Variants in CEP83 observed in about 807,000 individuals in gnomAD.
The protein encoded by CEP83 is centrosomal protein 83.
CEP83 carries 70 observed loss-of-function variants against 101.9 expected under a neutral mutation model. The observed-to-expected ratio is 0.69, with a 90% confidence interval of 0.57 to 0.84. The LOEUF is 0.84. CEP83 is among the 40% of genes least tolerant of loss of function. CEP83 has a pLI of 0.00. For synonymous variants in CEP83, 264 were observed against 267.9 expected, an observed-to-expected ratio of 0.99 and a Z score of 0.14; for missense variants, 715 against 787.2, an observed-to-expected ratio of 0.91 and a Z score of 1.10.
intron 2 of CEP83, among the ~76,000 whole-genome samples, chr12:94,416,676 T>C (rs1420780925): frequency 1.3e-5 from 2 of 151,846 alleles, no homozygotes. Context: ...GCCAAGATGG[T>C]GCACAAGAAG....
At chr12:94,360,670 C>T (rs2060707814) in intron 11 of CEP83, among the ~76,000 whole-genome samples, 1 of 151,686 alleles carries the variant, frequency 6.6e-6, no homozygotes, top group Admixed American at 6.6e-5. Flanking sequence ...TTAACATGAC[C>T]ATACTACCAA....
At chr12:94,331,592 A>G (rs1333291316) in intron 14 of CEP83, 108 bp downstream of exon 14, 1 of 895,078 alleles carries the variant, frequency 1.1e-6, no homozygotes, top group South Asian at 1.5e-5. Flanking sequence ...GATGGTCTCA[A>G]TGATCTCCTG....
rs1412906661 is a variant in CEP83, at chr12:94,333,465, TAA to T, written c.1577+15_1577+16del. On this transcript the variant is annotated intron_variant, in intron 13 of 16. Transcript: ENST00000397809. ...GAAAAAAGAAAAAATAGTTTGTACA[TAA>T]AGAGCAAACTCTACTTTTCAGCTTC... 2 of 1,605,310 alleles carry T rather than the reference TAA, an allele frequency of 1.2e-6. No individual in the cohort carries two copies. The highest frequency in any genetic ancestry group is 1.7e-4 in the Middle Eastern group (1 of 6,024).
intron 15 of CEP83, 121 bp downstream of exon 15, chr12:94,312,793 G>T: frequency 1.6e-6 from 2 of 1,267,224 alleles, no homozygotes; most frequent in Non-Finnish European, 2.0e-6. Flanking sequence ...GAGTTATCAA[G>T]CTGTTTTAGA....
the CEP83 span, among the ~76,000 whole-genome samples, chr12:94,276,338 G>A: frequency 2.0e-5 from 3 of 152,118 alleles, no homozygotes; most frequent in Non-Finnish European, 4.4e-5. Context: ...ATCGTAGGTG[G>A]TGGCACCAGC....
chr12:94,412,250 A>T (rs2063931697), intron 3 of CEP83, 68 bp downstream of exon 3: 1 of 1,272,332 alleles, frequency 7.9e-7, no homozygotes, highest in East Asian at 2.5e-5. Context: ...TCTATAGCAA[A>T]CATTCAGCCA....
At chr12:94,277,716 T>C in the CEP83 span, 1 of 345,256 alleles carries the variant, frequency 2.9e-6, no homozygotes, top group African/African-American at 2.1e-5. Flanking sequence ...CAATGTGGGC[T>C]GAATCTGTTT....
In CEP83 at chr12:94,394,321, C is replaced by A. The variant is rs193054919; in HGVS notation, c.549+6529G>T. Among the ~76,000 whole-genome samples the A allele has an allele frequency of 6.8e-4, 104 of 152,260 alleles. 2 individuals carry two copies. In the East Asian group the frequency reaches 0.018, roughly 26 times the overall value. Reference sequence around the variant, plus strand: ...AACAGAGGCCTCAGAAATAATACCACACATCTACAACCATCTGATATTTGA... The same window carrying A: ...AACAGAGGCCTCAGAAATAATACCAAACATCTACAACCATCTGATATTTGA... On this transcript the variant is annotated intron_variant, in intron 6 of 16. Transcript: ENST00000397809.
chr12:94,384,823 G>A (rs2062042452), intron 6 of CEP83, among the ~76,000 whole-genome samples: 1 of 152,038 alleles, frequency 6.6e-6, no homozygotes, highest in African/African-American at 2.4e-5. Flanking sequence ...ATTCCTCATT[G>A]AATCATTCTT....
At chr12:94,283,143 G>A in the CEP83 span, among the ~76,000 whole-genome samples, 1 of 125,226 alleles carries the variant, frequency 8.0e-6, no homozygotes, top group Admixed American at 7.8e-5. Context: ...TGCAGCCCTG[G>A]GGAAGGAGTG....
At chr12:94,406,134 A>G (rs796602654) in intron 4 of CEP83, among the ~76,000 whole-genome samples, 9 of 152,232 alleles carry the variant, frequency 5.9e-5, no homozygotes, top group African/African-American at 1.9e-4. Flanking sequence ...ACTAAATACT[A>G]CTCTGCTCCC....
At chr12:94,384,563 T>G (rs2062027945) in intron 6 of CEP83, among the ~76,000 whole-genome samples, 1 of 152,156 alleles carries the variant, frequency 6.6e-6, no homozygotes, top group South Asian at 2.1e-4. Flanking sequence ...TACAGGATAC[T>G]GAGAATCTGT....
chr12:94,413,703 C>T (rs1322803528), intron 2 of CEP83, among the ~76,000 whole-genome samples: 3 of 152,012 alleles, frequency 2.0e-5, no homozygotes, highest in South Asian at 4.1e-4. Flanking sequence ...GTATTACAAA[C>T]GTCACTGTTT....
At chr12:94,306,884 TCAAA>T (rs369746258), downstream of CEP83, 453 of 152,240 alleles carry the variant, frequency 3.0e-3, 1 homozygote, top group African/African-American at 0.01. Flanking sequence ...CGGACACACC[TCAAA>T]CAAACAAAAC....
chr12:94,353,621 TAAGAC>T (rs2060302503), intron 11 of CEP83, among the ~76,000 whole-genome samples: 1 of 151,872 alleles, frequency 6.6e-6, no homozygotes, highest in African/African-American at 2.4e-5. Context: ...ATCCCCCAAT[TAAGAC>T]ATATAGACTG....
At chr12:94,337,029 C>A (rs1476399594) in intron 11 of CEP83, among the ~76,000 whole-genome samples, 1 of 152,102 alleles carries the variant, frequency 6.6e-6, no homozygotes, top group African/African-American at 2.4e-5. Flanking sequence ...CTGTGGGTCC[C>A]AGCTCAGGTC....
intron 13 of CEP83, among the ~76,000 whole-genome samples, chr12:94,333,061 A>C (rs1415287520): frequency 1.3e-5 from 2 of 151,186 alleles, no homozygotes; most frequent in African/African-American, 4.8e-5. Flanking sequence ...AAAAAAAAAA[A>C]AAAACAAATA....
the CEP83 span, among the ~76,000 whole-genome samples, chr12:94,280,904 C>T: frequency 6.6e-5 from 10 of 152,232 alleles, no homozygotes; most frequent in Non-Finnish European, 1.5e-4. Flanking sequence ...CCTGGGGACA[C>T]AGCCTATCAG....
At chr12:94,450,354 C>T (rs912426596) in intron 1 of CEP83, among the ~76,000 whole-genome samples, 1 of 152,156 alleles carries the variant, frequency 6.6e-6, no homozygotes, top group African/African-American at 2.4e-5. Flanking sequence ...CGGGTTCACG[C>T]CATTCTCCTG....
Sources: gnomAD v4.1 joint callset for allele counts (sites outside exome capture counted in the v4.1 genomes callset) on GRCh38, gnomAD v4.1.1 for gene constraint, MANE v1.5 for transcripts, NCBI Gene and HGNC (gene_info 2026-07-23, HGNC 2026-07-21) for gene names.